Variants in AMMECR1 observed in about 807,000 individuals in gnomAD.
The protein encoded by AMMECR1 is nuclear protein AMMECR1.
In AMMECR1, 3 loss-of-function variants were observed where a neutral mutation model predicts 22.5. The ratio of observed to expected loss-of-function variants is 0.13; its 90% CI spans 0.06 to 0.35. The LOEUF is 0.35. Among genes scored for constraint, AMMECR1 ranks in the 10% least tolerant of loss-of-function variants. The probability of loss-of-function intolerance (pLI) is 1.00; values close to 1 mark genes in which losing one functional copy is unlikely to be tolerated. For synonymous variants in AMMECR1, 130 were observed against 116.7 expected, an observed-to-expected ratio of 1.11 and a Z score of -0.74; for missense variants, 235 against 278.7, an observed-to-expected ratio of 0.84 and a Z score of 1.12.
chrX:110,213,665 A>G (rs2067458324), intron 3 of AMMECR1, among the ~76,000 whole-genome samples: 1 of 111,671 alleles, frequency 9.0e-6, no homozygotes, highest in Non-Finnish European at 1.9e-5. Context: ...CTTTAATTCC[A>G]TTTTGGCATT....
At chrX:110,439,017 C>T (rs181889514) in intron 1 of AMMECR1, among the ~76,000 whole-genome samples, 2 of 112,146 alleles carry the variant, frequency 1.8e-5, no homozygotes, top group East Asian at 5.6e-4. Flanking sequence ...CTCCCGCTCA[C>T]CTCCAAACAA....
At chrX:110,334,703 A>T (rs1384781150) in intron 2 of AMMECR1, among the ~76,000 whole-genome samples, 3 of 112,183 alleles carry the variant, frequency 2.7e-5, no homozygotes, top group Non-Finnish European at 5.6e-5. Flanking sequence ...TATAGTTTCC[A>T]TTATGAACTA....
Position 110,291,907 on chromosome X carries a change from C to G in AMMECR1, c.473+25692G>C, listed in dbSNP as rs181628053. Among the ~76,000 whole-genome samples, 36 of 111,555 alleles carry G rather than the reference C, an allele frequency of 3.2e-4. No individual in the cohort carries two copies. In the East Asian group the frequency reaches 9.8e-3, roughly 30 times the overall value. ...TATTTTCTCCTATCTTTCCCTATAC[C>G]AGCAATACTACAATTTTAATGCCCA... On this transcript the variant is annotated intron_variant, in intron 1 of 5. Transcript: ENST00000262844.
At chrX:110,246,653 G>T (rs1362290371) in intron 2 of AMMECR1, among the ~76,000 whole-genome samples, 1 of 112,225 alleles carries the variant, frequency 8.9e-6, no homozygotes, top group Non-Finnish European at 1.9e-5. Context: ...AGACAATCAT[G>T]TAAGAAACTA....
intron 2 of AMMECR1, among the ~76,000 whole-genome samples, chrX:110,379,578 T>C (rs1453518535): frequency 8.9e-6 from 1 of 112,137 alleles, no homozygotes; most frequent in Non-Finnish European, 1.9e-5. Context: ...AGTCTGGTTT[T>C]TTCAACTCAT....
chrX:110,259,920 T>C (rs189364667), intron 2 of AMMECR1, among the ~76,000 whole-genome samples: 1 of 111,525 alleles, frequency 9.0e-6, no homozygotes. Flanking sequence ...TATTCATCTA[T>C]ATTAGTGGTA....
chrX:110,198,683 C>CA, intron 5 of AMMECR1, 49 bp from the exon 6 acceptor site: 2 of 899,008 alleles, frequency 2.2e-6, no homozygotes, highest in Non-Finnish European at 3.3e-6. Context: ...AAGTAGGTGA[C>CA]ATGCCATTGT....
rs747302097 is a variant in AMMECR1, at chrX:110,279,558, G to A, written c.474-14959C>T. ...GGGAGTATCAGTTTGATTAGAGAAG[G>A]CTGGATTATAAAGTTTAAAAAGAAA... On this transcript the variant is annotated intron_variant, in intron 1 of 5. Transcript: ENST00000262844. Among the ~76,000 whole-genome samples the A allele has an allele frequency of 5.4e-5, 6 of 111,782 alleles. No individual in the cohort carries two copies. In the South Asian group the frequency reaches 2.2e-3, roughly 41 times the overall value.
intron 1 of AMMECR1, among the ~76,000 whole-genome samples, chrX:110,428,760 C>T (rs1338822169): frequency 8.9e-6 from 1 of 111,880 alleles, no homozygotes; most frequent in Non-Finnish European, 1.9e-5. Flanking sequence ...ACCATACCTC[C>T]CCCCATTCCC....
chrX:110,356,418 G>A (rs1414535442), intron 2 of AMMECR1, among the ~76,000 whole-genome samples: 1 of 110,497 alleles, frequency 9.1e-6, no homozygotes, highest in African/African-American at 3.3e-5. Context: ...GCCTCCCAAA[G>A]TGCTGGGATT....
At chrX:110,271,611 T>C (rs2067798829) in intron 1 of AMMECR1, among the ~76,000 whole-genome samples, 1 of 112,054 alleles carries the variant, frequency 8.9e-6, no homozygotes, top group Admixed American at 9.4e-5. Context: ...CCAGATTTGA[T>C]ATGCTGAGAC....
intron 2 of AMMECR1, among the ~76,000 whole-genome samples, chrX:110,231,019 T>C (rs754343194): frequency 1.1e-4 from 12 of 111,879 alleles, no homozygotes; most frequent in Non-Finnish European, 2.1e-4. Flanking sequence ...CCAAGAAATA[T>C]GGGACTATGT....
At chrX:110,359,310 C>A (rs1384348391) in intron 2 of AMMECR1, among the ~76,000 whole-genome samples, 1 of 111,405 alleles carries the variant, frequency 9.0e-6, no homozygotes. Context: ...TTTTTTCACC[C>A]ATGAACCCTC....
intron 2 of AMMECR1, among the ~76,000 whole-genome samples, chrX:110,328,465 C>CTTT (rs776105456): frequency 4.1e-5 from 3 of 73,313 alleles, no homozygotes; most frequent in African/African-American, 1.5e-4. Context: ...ATGTTTGACT[C>CTTT]TTTTTTTTTT....
chrX:110,321,995 T>G (rs1025624171), upstream of AMMECR1, among the ~76,000 whole-genome samples: 2 of 112,468 alleles, frequency 1.8e-5, no homozygotes, highest in Non-Finnish European at 3.8e-5. Context: ...CGTAAATCAG[T>G]TTTTGTTTTT....
At chrX:110,201,896 A>G (rs919452974) in intron 4 of AMMECR1, among the ~76,000 whole-genome samples, 4 of 112,123 alleles carry the variant, frequency 3.6e-5, no homozygotes, top group Non-Finnish European at 7.5e-5. Context: ...ATGTTGGTTC[A>G]TACAGGTCTA....
At chrX:110,348,886 G>A (rs2068200795) in intron 2 of AMMECR1, among the ~76,000 whole-genome samples, 1 of 111,475 alleles carries the variant, frequency 9.0e-6, no homozygotes, top group Admixed American at 9.5e-5. Flanking sequence ...ATGAAAACAG[G>A]TTTTTACTTT....
chrX:110,379,265 T>A (rs774600619), intron 2 of AMMECR1, among the ~76,000 whole-genome samples: 4 of 112,537 alleles, frequency 3.6e-5, no homozygotes, highest in Non-Finnish European at 7.5e-5. Context: ...GGTGAGATTC[T>A]GATTTTCATC....
intron 2 of AMMECR1, among the ~76,000 whole-genome samples, chrX:110,381,958 C>T (rs1445318267): frequency 9.0e-6 from 1 of 111,163 alleles, no homozygotes; most frequent in Non-Finnish European, 1.9e-5. Context: ...CAGCATCATG[C>T]AGTACACCCT....
Sources: gnomAD v4.1 joint callset for allele counts (sites outside exome capture counted in the v4.1 genomes callset) on GRCh38, gnomAD v4.1.1 for gene constraint, MANE v1.5 for transcripts, NCBI Gene and HGNC (gene_info 2026-07-23, HGNC 2026-07-21) for gene names.